KCNH7: variants seen among roughly 807,000 people sequenced by gnomAD.
KCNH7 encodes voltage-gated inwardly rectifying potassium channel KCNH7.
KCNH7 carries 49 observed loss-of-function variants against 120.8 expected under a neutral mutation model. That is an observed-to-expected ratio of 0.41 (90% CI 0.32 to 0.51). KCNH7 has a LOEUF of 0.51. Among genes scored for constraint, KCNH7 ranks in the 20% least tolerant of loss-of-function variants. The probability of loss-of-function intolerance (pLI) is 0.38; values close to 1 mark genes in which losing one functional copy is unlikely to be tolerated. For synonymous variants in KCNH7, 547 were observed against 516.1 expected, an observed-to-expected ratio of 1.06 and a Z score of -0.81; for missense variants, 1,097 against 1,446.6, an observed-to-expected ratio of 0.76 and a Z score of 3.92.
intron 2 of KCNH7, among the ~76,000 whole-genome samples, chr2:162,626,956 T>C (rs1683582858): frequency 6.6e-6 from 1 of 152,182 alleles, no homozygotes; most frequent in African/African-American, 2.4e-5. Flanking sequence ...TTTAAAAACA[T>C]GTTGTCACTG....
chr2:162,407,845 G>A (rs191979533), intron 9 of KCNH7, among the ~76,000 whole-genome samples: 2 of 152,022 alleles, frequency 1.3e-5, no homozygotes, highest in East Asian at 3.9e-4. Flanking sequence ...GGAAAAAGGA[G>A]GTACAGTCTA....
chr2:162,582,084 A>G (rs979449311), intron 2 of KCNH7, among the ~76,000 whole-genome samples: 13 of 152,226 alleles, frequency 8.5e-5, no homozygotes, highest in Admixed American at 5.9e-4. Context: ...CTGGATAAGC[A>G]TGGCTGAACA....
chr2:162,479,036 A>G (rs916158987), intron 6 of KCNH7, among the ~76,000 whole-genome samples: 1 of 152,080 alleles, frequency 6.6e-6, no homozygotes, highest in African/African-American at 2.4e-5. Flanking sequence ...AGAAATCACG[A>G]GGGAGGGGAG....
intron 6 of KCNH7, among the ~76,000 whole-genome samples, chr2:162,474,307 TAAG>T (rs749434515): frequency 2.0e-5 from 3 of 152,220 alleles, no homozygotes; most frequent in Non-Finnish European, 4.4e-5. Flanking sequence ...AGGGTCATAA[TAAG>T]AAGATTAGAC....
chr2:162,618,927 G>A (rs2105189068), intron 2 of KCNH7, among the ~76,000 whole-genome samples: 1 of 152,222 alleles, frequency 6.6e-6, no homozygotes, highest in South Asian at 2.1e-4. Flanking sequence ...ATTTATTCAT[G>A]CTTGTTTGAT....
chr2:162,565,329 A>T (rs1485970), intron 2 of KCNH7, among the ~76,000 whole-genome samples: 78,176 of 151,482 alleles, frequency 0.52, 20,364 homozygotes, highest in Middle Eastern at 0.61. Flanking sequence ...AAAAAAACGT[A>T]ACTAGTCCTA....
At chr2:162,472,216 A>T (rs1689564771) in intron 6 of KCNH7, among the ~76,000 whole-genome samples, 1 of 152,236 alleles carries the variant, frequency 6.6e-6, no homozygotes, top group Non-Finnish European at 1.5e-5. Flanking sequence ...AGCAATGGCA[A>T]CAAAAGCCAA....
intron 11 of KCNH7, among the ~76,000 whole-genome samples, chr2:162,394,927 C>T (rs923677283): frequency 5.3e-5 from 8 of 151,782 alleles, no homozygotes; most frequent in African/African-American, 1.9e-4. Flanking sequence ...CCAACCATTC[C>T]TCTTCCTCCT....
chr2:162,655,466 G>A (rs938121583), intron 2 of KCNH7, among the ~76,000 whole-genome samples: 1 of 152,120 alleles, frequency 6.6e-6, no homozygotes, highest in Non-Finnish European at 1.5e-5. Context: ...TCTGCAAAAT[G>A]AGGATAATAA....
At chr2:162,428,685 C>T (rs1445584493) in intron 8 of KCNH7, among the ~76,000 whole-genome samples, 1 of 151,880 alleles carries the variant, frequency 6.6e-6, no homozygotes, top group Non-Finnish European at 1.5e-5. Context: ...CTTTCAGTTA[C>T]ATCAGTTTTT....
intron 2 of KCNH7, among the ~76,000 whole-genome samples, chr2:162,567,505 C>G (rs1693297508): frequency 6.6e-6 from 1 of 151,842 alleles, no homozygotes; most frequent in Admixed American, 6.6e-5. Flanking sequence ...GCATTTTTCC[C>G]CCCACAGTAA....
intron 7 of KCNH7, among the ~76,000 whole-genome samples, chr2:162,441,330 C>T (rs535787233): frequency 6.6e-6 from 1 of 152,232 alleles, no homozygotes; most frequent in African/African-American, 2.4e-5. Context: ...CATATAGATA[C>T]CTGCTAATGT....
At chr2:162,552,578 T>G (rs963157644) in intron 2 of KCNH7, among the ~76,000 whole-genome samples, 1 of 152,212 alleles carries the variant, frequency 6.6e-6, no homozygotes, top group Non-Finnish European at 1.5e-5. Context: ...AATTAGTTTA[T>G]GTTATATGGC....
rs928207260 is a variant in KCNH7, at chr2:162,375,307, A to C, written c.3132-1645T>G. 1.2e-4 allele frequency among the ~76,000 whole-genome samples: 18 copies of C among 152,352 alleles called. 1 individual carries two copies. The highest frequency in any genetic ancestry group is 8.5e-4 in the Admixed American group (13 of 15,304). On this transcript the variant is annotated intron_variant, in intron 14 of 15. Transcript: ENST00000332142. ...AACAAGGGAGATTCAAGATCCAAAA[A>C]TGAGTCAAAAATTATCGTGATGTTT...
intron 2 of KCNH7, among the ~76,000 whole-genome samples, chr2:162,738,067 C>CAAAA (rs58433565): frequency 2.5e-4 from 14 of 56,004 alleles, no homozygotes; most frequent in South Asian, 1.6e-3. Flanking sequence ...GACTTCATAT[C>CAAAA]AAAAAAAAAA....
chr2:162,374,265 C>T (rs1464834077), intron 14 of KCNH7, among the ~76,000 whole-genome samples: 1 of 152,122 alleles, frequency 6.6e-6, no homozygotes, highest in Non-Finnish European at 1.5e-5. Flanking sequence ...AAGAAGCAGA[C>T]CAAACTTGAC....
At chr2:162,396,666 C>A in intron 11 of KCNH7, 74 bp downstream of exon 11, 1 of 1,114,392 alleles carries the variant, frequency 9.0e-7, no homozygotes, top group Non-Finnish European at 1.3e-6. Flanking sequence ...CTTGATTTTT[C>A]AGAAGTATTT....
chr2:162,669,678 T>A (rs780899822), intron 2 of KCNH7, among the ~76,000 whole-genome samples: 85 of 152,334 alleles, frequency 5.6e-4, no homozygotes, highest in Middle Eastern at 3.4e-3. Context: ...TAACTGGAGT[T>A]ACTAGCATCT....
intron 2 of KCNH7, among the ~76,000 whole-genome samples, chr2:162,800,958 T>C (rs1342287094): frequency 3.3e-5 from 5 of 151,910 alleles, no homozygotes; most frequent in Admixed American, 6.6e-5. Flanking sequence ...AATCTCTTGC[T>C]GGCTTTTCTC....
Sources: gnomAD v4.1 joint callset for allele counts (sites outside exome capture counted in the v4.1 genomes callset) on GRCh38, gnomAD v4.1.1 for gene constraint, MANE v1.5 for transcripts, NCBI Gene and HGNC (gene_info 2026-07-23, HGNC 2026-07-21) for gene names.